The following NID1 variants were observed in gnomAD, a reference collection of about 807,000 sequenced individuals.
The protein encoded by NID1 is nidogen 1, also known as nidogen-1.
In NID1, 76 loss-of-function variants were observed where a neutral mutation model predicts 130.6. The observed-to-expected ratio is 0.58, with a 90% CI of 0.48 to 0.70. The LOEUF (loss-of-function observed/expected upper bound fraction) is 0.70. Among genes scored for constraint, NID1 ranks in the 30% least tolerant of loss-of-function variants. NID1 has a pLI of 0.00. For synonymous variants in NID1, 665 were observed against 675.1 expected (o/e 0.98, Z 0.23); for missense variants, 1,517 against 1,664.8 (o/e 0.91, Z 1.54).
At position 236,041,790 on chromosome 1, in the gene NID1, C is replaced by T. The variant is rs2385052; in HGVS notation, c.1135+120G>A. ...TGTGAGAGTTCAGCCTCTACTTTCC[C>T]AAGCTCTTATCTTTACAAACCACCA... is the stretch of plus-strand genomic sequence containing the variant. On this transcript the variant is annotated intron_variant, in intron 4 of 19. Transcript: ENST00000264187. 0.24 allele frequency: 320,781 copies of T among 1,318,024 alleles called. 41,273 individuals carry two copies. The highest frequency in any genetic ancestry group is 0.39 in the Admixed American group (16,173 of 41,268). 81.6% of individuals were successfully genotyped at this position (1,318,024 alleles called of 1,614,324 possible).
intron 14 of NID1, among the ~76,000 whole-genome samples, chr1:235,987,384 G>C (rs999880804): frequency 1.4e-4 from 22 of 152,172 alleles, no homozygotes; most frequent in African/African-American, 5.3e-4. Flanking sequence ...AAAACTATAG[G>C]AATTCATACT....
chr1:236,003,269 C>T (rs1005721126), intron 12 of NID1, among the ~76,000 whole-genome samples: 4 of 152,216 alleles, frequency 2.6e-5, no homozygotes, highest in African/African-American at 9.6e-5. Context: ...AGTTACAGTG[C>T]AGACTCCTCC....
chr1:235,993,750 A>G lies in NID1; in HGVS notation c.2650T>C (p.Tyr884His). Residue 884 changes from tyrosine to histidine, a missense_variant, in exon 13 of 20, where the codon TAC becomes CAC. Around this residue, in one of 3 missense-constraint regions of NID1, gnomAD observed 1,329 missense variants for 1,429.2 expected, o/e 0.93. Transcript: ENST00000264187. ...FVPECDAHGH[Y>H]APTQCHGSTG... ...CTGCCGTGGCACTGGGTGGGCGCGTAGTGCCCGTGCGCATCGCACTCAGGA... is the reference window on the plus strand; with the variant it reads ...CTGCCGTGGCACTGGGTGGGCGCGTGGTGCCCGTGCGCATCGCACTCAGGA... The G allele has an allele frequency of 6.2e-7, 1 of 1,613,738 alleles. No individual in the cohort carries two copies. The highest frequency in any genetic ancestry group is 8.5e-7 in the Non-Finnish European group (1 of 1,179,818).
At position 235,979,176 on chromosome 1, in the gene NID1, G is replaced by C; in HGVS notation, c.3510-69C>G. The C allele has an allele frequency of 1.0e-6, 1 of 987,704 alleles. No individual in the cohort carries two copies. The highest frequency in any genetic ancestry group is 1.9e-5 in the Admixed American group (1 of 53,202). The allele number at this position is 987,704 out of a possible 1,614,324, so 61.2% of individuals were successfully genotyped here. On this transcript the variant is annotated intron_variant, in intron 18 of 19. Transcript: ENST00000264187. The surrounding 1 kb of genome is among the most constrained non-coding windows in gnomAD (Gnocchi z 4.6). The stretch of plus-strand genomic sequence containing the variant: ...CTTGAACTTGTATCTAAACAAGGCA[G>C]CCTCTTTGTCATTTTGAGGATAAAC...
Position 235,991,010 on chromosome 1 carries a change from G to A in NID1, c.2804C>T (p.Thr935Ile). The A allele has an allele frequency of 6.2e-7, 1 of 1,612,554 alleles. No individual in the cohort carries two copies. The highest frequency in any genetic ancestry group is 8.5e-7 in the Non-Finnish European group (1 of 1,179,242). ...CCCAGGAGGCAAGGGGATCACGGCG[G>A]TAGGCACCGCAGGTCCTTGGTGAAT... ...PPIHQGPAVPTAVIPLPPGTH... is the reference protein window; with the variant it reads ...PPIHQGPAVPIAVIPLPPGTH... Residue 935 changes from threonine (T) to isoleucine (I), a missense_variant, in exon 14 of 20, where the codon ACC (threonine) becomes ATC (isoleucine). Around this residue, in one of 3 missense-constraint regions of NID1, gnomAD observed 1,329 missense variants for 1,429.2 expected, o/e 0.93. Transcript: ENST00000264187.
intron 9 of NID1, among the ~76,000 whole-genome samples, chr1:236,020,048 AAAAAAAAAAAC>A (rs1160786471): frequency 4.1e-5 from 6 of 146,286 alleles, no homozygotes; most frequent in African/African-American, 1.5e-4. Context: ...AAAAAAAAAA[AAAAAAAAAAAC>A]AAAAACAAAC....
chr1:236,041,946 C>G lies in NID1; in HGVS notation c.1099G>C (p.Val367Leu), dbSNP rs1483977863. The G allele has an allele frequency of 3.7e-6, 6 of 1,613,782 alleles. No individual in the cohort carries two copies. Among genetic ancestry groups the G allele is most frequent in the Non-Finnish European group, 5.1e-6 (6 of 1,179,864 alleles). Reference sequence around the variant, plus strand: ...TCCTCAACTTCATCCACATCTATGACCTGAGGGTGCTGCTGGTGAAAAGTC... The same window carrying G: ...TCCTCAACTTCATCCACATCTATGAGCTGAGGGTGCTGCTGGTGAAAAGTC... Reference protein sequence around the residue: ...VETFHQQHPQVIDVDEVEETG... With the variant: ...VETFHQQHPQLIDVDEVEETG... The change falls in exon 4 of 20, where the codon GTC becomes CTC. Residue 367 changes from valine to leucine, a missense_variant. This residue lies in a region of NID1 where 1,329 missense variants were observed against 1,429.2 expected (regional missense o/e 0.93). Coordinates refer to ENST00000264187, the MANE Select transcript of NID1 (RefSeq NM_002508.3).
chr1:235,978,121 G>T, intron 19 of NID1, 133 bp from the exon 20 acceptor site: 1 of 1,018,306 alleles, frequency 9.8e-7, no homozygotes, highest in East Asian at 2.5e-5. Context: ...GGCTTCAGGA[G>T]AATGGGGACA....
Position 236,013,340 on chromosome 1 carries a change from G to C in NID1, c.2404+71C>G. ...TCTATTTGGGAGTGAGTTGGTGATT[G>C]GCACATGACAGGTACCACCTAGGAA... is the stretch of plus-strand genomic sequence containing the variant. On this transcript the variant is annotated intron_variant, in intron 11 of 19. Coordinates refer to ENST00000264187, the MANE Select transcript of NID1 (RefSeq NM_002508.3). 2.6e-6 allele frequency: 4 copies of C among 1,537,474 alleles called. No homozygotes were observed. In the South Asian group the frequency reaches 4.6e-5, roughly 18 times the overall value.
At chr1:236,021,544 T>G (rs1358917431) in intron 9 of NID1, among the ~76,000 whole-genome samples, 1 of 152,176 alleles carries the variant, frequency 6.6e-6, no homozygotes, top group Non-Finnish European at 1.5e-5. Context: ...ACACCAAATC[T>G]GCCATTAGCT....
intron 10 of NID1, among the ~76,000 whole-genome samples, chr1:236,016,281 C>T (rs902964715): frequency 1.3e-5 from 2 of 152,124 alleles, no homozygotes; most frequent in Non-Finnish European, 1.5e-5. Flanking sequence ...TCCCTCCCAC[C>T]CTCAAGACAC....
rs201636392 is a variant in NID1, at chr1:236,024,178, T to C, written c.2020A>G (p.Ile674Val). Reference protein sequence around the residue: ...SPDALQNPCYIGTHGCDTNAA... With the variant: ...SPDALQNPCYVGTHGCDTNAA... Reference sequence around the variant, plus strand: ...TTGGTGTCACACCCATGAGTGCCGATGTAGCAGGGATTCTGAAGAGCATCA... The same window carrying C: ...TTGGTGTCACACCCATGAGTGCCGACGTAGCAGGGATTCTGAAGAGCATCA... The change falls in exon 9 of 20, where the codon ATC becomes GTC. Residue 674 changes from isoleucine to valine, a missense_variant. Ile to Val is a conservative substitution (Grantham distance 29). Around this residue, in one of 3 missense-constraint regions of NID1, gnomAD observed 1,329 missense variants for 1,429.2 expected, o/e 0.93. Coordinates refer to ENST00000264187, the MANE Select transcript of NID1 (RefSeq NM_002508.3). The C allele has an allele frequency of 1.7e-5, 27 of 1,614,274 alleles. No homozygotes were observed. The highest frequency in any genetic ancestry group is 1.9e-5 in the Non-Finnish European group (22 of 1,180,050).
intron 10 of NID1, 103 bp downstream of exon 10, chr1:236,017,045 T>A: frequency 6.6e-7 from 1 of 1,512,530 alleles, no homozygotes; most frequent in Non-Finnish European, 9.2e-7. Context: ...TCCCAGCACC[T>A]TCCAACTTGA....
intron 14 of NID1, among the ~76,000 whole-genome samples, chr1:235,987,072 T>G (rs1226050181): frequency 6.6e-6 from 1 of 152,262 alleles, no homozygotes; most frequent in Non-Finnish European, 1.5e-5. Context: ...TACATGTGAT[T>G]TGAGTTTCAT....
intron 12 of NID1, among the ~76,000 whole-genome samples, chr1:236,003,497 G>C (rs577980977): frequency 1.3e-5 from 2 of 152,300 alleles, no homozygotes; most frequent in African/African-American, 4.8e-5. Context: ...AAAACCCTGA[G>C]GTGTGTTGTC....
intron 12 of NID1, among the ~76,000 whole-genome samples, chr1:236,002,514 A>ACAAG (rs1206272897): frequency 2.7e-5 from 4 of 150,140 alleles, no homozygotes; most frequent in Non-Finnish European, 4.4e-5. Flanking sequence ...AAACAAACAA[A>ACAAG]CAAACAAACA....
intron 10 of NID1, among the ~76,000 whole-genome samples, chr1:236,015,993 T>G (rs984874287): frequency 1.3e-5 from 2 of 152,112 alleles, no homozygotes; most frequent in African/African-American, 4.8e-5. Context: ...TCAGTTACTG[T>G]GCACATCAGC....
chr1:236,064,932 C>G lies in NID1; in HGVS notation c.148G>C (p.Asp50His). The change falls in exon 1 of 20, where the codon GAT becomes CAT. Residue 50 changes from aspartate to histidine, a missense_variant. Physicochemically the swap from Asp to His is moderately conservative, Grantham distance 81. Transcript: ENST00000264187. The stretch of plus-strand genomic sequence containing the variant: ...TCCAGGGCAGGAGAGACGAAGTCAT[C>G]CCCGTCCTCCAGCTCCAGGTCCCCC... ...GQGDLELEDGDDFVSPALELS... is the reference protein window; with the variant it reads ...GQGDLELEDGHDFVSPALELS... The G allele has an allele frequency of 6.2e-7, 1 of 1,610,654 alleles. No homozygotes were observed. Among genetic ancestry groups the G allele is most frequent in the Non-Finnish European group, 8.5e-7 (1 of 1,178,792 alleles).
intron 12 of NID1, among the ~76,000 whole-genome samples, chr1:236,008,754 C>T (rs1038800272): frequency 6.6e-6 from 1 of 151,810 alleles, no homozygotes; most frequent in Non-Finnish European, 1.5e-5. Flanking sequence ...GCAACCTCTG[C>T]CCCCCAGGTT....
Sources: gnomAD v4.1 joint callset for allele counts (sites outside exome capture counted in the v4.1 genomes callset) on GRCh38, gnomAD v4.1.1 for gene constraint, gnomAD v4.1.1 regional missense constraint, Gnocchi (gnomAD v3.1) non-coding constraint, MANE v1.5 for transcripts, NCBI Gene and HGNC (gene_info 2026-07-23, HGNC 2026-07-21) for gene names.